The following ADGRG5 variants were observed in gnomAD, a reference collection of about 807,000 sequenced individuals.
ADGRG5 encodes adhesion G protein-coupled receptor G5, also known as G protein-coupled receptor 114.
In ADGRG5, 37 loss-of-function variants were observed where a neutral mutation model predicts 53.2. The ratio of observed to expected loss-of-function variants is 0.70; its 90% CI spans 0.53 to 0.91. The LOEUF (loss-of-function observed/expected upper bound fraction) is 0.91. Among genes scored for constraint, ADGRG5 ranks in the 40% least tolerant of loss-of-function variants. ADGRG5 has a pLI of 0.00. For synonymous variants in ADGRG5, 277 were observed against 290.4 expected (o/e 0.95, Z 0.47); for missense variants, 614 against 675.8 (o/e 0.91, Z 1.01).
chr16:57,554,585 C>A (rs2032835405), intron 1 of ADGRG5, among the ~76,000 whole-genome samples: 1 of 152,078 alleles, frequency 6.6e-6, no homozygotes, highest in Non-Finnish European at 1.5e-5. Context: ...ACCGTGTTAG[C>A]CAGGATGGTC....
At chr16:57,552,028 C>CTT (rs58690103) in intron 1 of ADGRG5, among the ~76,000 whole-genome samples, 2 of 146,222 alleles carry the variant, frequency 1.4e-5, no homozygotes, top group African/African-American at 2.5e-5. Context: ...TGAAATAAAT[C>CTT]TTTTTTTTTT....
chr16:57,555,673 G>T (rs2032867131), intron 1 of ADGRG5, among the ~76,000 whole-genome samples: 1 of 152,112 alleles, frequency 6.6e-6, no homozygotes, highest in South Asian at 2.1e-4. Flanking sequence ...ACATTTTCTT[G>T]ACGAATTAGT....
At chr16:57,548,719 CTTTTTTTT>C (rs56928422) in intron 1 of ADGRG5, among the ~76,000 whole-genome samples, 2 of 108,040 alleles carry the variant, frequency 1.9e-5, no homozygotes, top group African/African-American at 7.1e-5. Flanking sequence ...TTGAGATTGG[CTTTTTTTT>C]TTTTTTTTTT....
Position 57,567,514 on chromosome 16 carries a change from T to TA in ADGRG5, c.745dup (p.Thr249AsnfsTer30), listed in dbSNP as rs1411640078. On this transcript the variant is annotated frameshift_variant, in exon 8 of 12. Transcript: ENST00000349457. LOFTEE classifies it high-confidence loss of function. ...TCCCTGCAGAGTTGCTGGCACCTCTTACGTACATCTCCCTCGTGGGCTGCA... is the reference window on the plus strand; with the variant it reads ...TCCCTGCAGAGTTGCTGGCACCTCTTAACGTACATCTCCCTCGTGGGCTGCA... 6.2e-7 allele frequency: 1 copy of TA among 1,611,280 alleles called. No homozygotes were observed. The highest frequency in any genetic ancestry group is 8.5e-7 in the Non-Finnish European group (1 of 1,179,838).
chr16:57,570,459 A>G lies in ADGRG5; in HGVS notation c.1132A>G (p.Ser378Gly), dbSNP rs2033320073. ...LLVLLSLSVK[S>G]SVYGPCTIPV... is the part of the protein sequence containing the mutation. Reference sequence around the variant, plus strand: ...GGTGCTGCTTTCCCTCTCTGTCAAGAGCTCGGTATACGGACCCTGCACAAT... The same window carrying G: ...GGTGCTGCTTTCCCTCTCTGTCAAGGGCTCGGTATACGGACCCTGCACAAT... The change falls in exon 10 of 12, where the codon AGC becomes GGC. Residue 378 changes from serine to glycine, a missense_variant. By Grantham distance (56) the Ser-to-Gly change is moderately conservative. Coordinates refer to ENST00000349457, the MANE Select transcript of ADGRG5 (RefSeq NM_001304376.3). 1 of 1,613,284 alleles carries G rather than the reference A, an allele frequency of 6.2e-7. No individual in the cohort carries two copies. Among genetic ancestry groups the G allele is most frequent in the African/African-American group, 1.3e-5 (1 of 74,898 alleles).
At chr16:57,553,901 T>A (rs1331712443) in intron 1 of ADGRG5, among the ~76,000 whole-genome samples, 2 of 152,234 alleles carry the variant, frequency 1.3e-5, no homozygotes, top group Non-Finnish European at 2.9e-5. Context: ...ATTACTTATT[T>A]TGTCTTCCAT....
At chr16:57,564,914 T>C (rs1423469954) in intron 5 of ADGRG5, 120 bp from the exon 6 acceptor site, 6 of 672,752 alleles carry the variant, frequency 8.9e-6, no homozygotes, top group Admixed American at 4.9e-5. Context: ...CTGAGAAAGC[T>C]TTCACGCTGC....
At chr16:57,566,906 A>G (rs1422189271) in intron 7 of ADGRG5, among the ~76,000 whole-genome samples, 155 bp downstream of exon 7, 2 of 152,222 alleles carry the variant, frequency 1.3e-5, no homozygotes, top group African/African-American at 4.8e-5. Context: ...GTTTCTGGAA[A>G]GGCTGGGTTA....
chr16:57,554,365 T>C (rs1031498748), intron 1 of ADGRG5, among the ~76,000 whole-genome samples: 2 of 151,828 alleles, frequency 1.3e-5, no homozygotes, highest in African/African-American at 4.8e-5. Flanking sequence ...TATTGATTTA[T>C]AATTTTATCT....
At chr16:57,537,632 ACT>A in the ADGRG5 span, among the ~76,000 whole-genome samples, 1 of 151,822 alleles carries the variant, frequency 6.6e-6, no homozygotes, top group Admixed American at 6.6e-5. Flanking sequence ...CTCAAGGATC[ACT>A]CTGAATCCTT....
chr16:57,571,442 G>C (rs573593338), intron 10 of ADGRG5, among the ~76,000 whole-genome samples: 2 of 152,236 alleles, frequency 1.3e-5, no homozygotes, highest in South Asian at 4.1e-4. Flanking sequence ...AAGCAGGGCC[G>C]GGGGACTGCG....
In ADGRG5 at chr16:57,576,387, C is replaced by T. The variant is rs2033516747; in HGVS notation, c.*849C>T. The T allele has an allele frequency of 6.6e-6, 1 of 152,164 alleles. No homozygotes were observed. The highest frequency in any genetic ancestry group is 2.4e-5 in the African/African-American group (1 of 41,424). 9.4% of individuals were successfully genotyped at this position (152,164 alleles called of 1,614,324 possible). On this transcript the variant is annotated 3_prime_UTR_variant, in exon 12 of 12. Coordinates refer to ENST00000349457, the MANE Select transcript of ADGRG5 (RefSeq NM_001304376.3). ...CTCCTCCAGCTGAATCAGCTGGATC[C>T]CAGTGTCCTGGCTGTTTGGTGATTG...
At chr16:57,536,970 C>T in the ADGRG5 span, among the ~76,000 whole-genome samples, 3 of 152,180 alleles carry the variant, frequency 2.0e-5, no homozygotes, top group African/African-American at 4.8e-5. Context: ...CTGCATTTTT[C>T]CCTGGGCCAG....
intron 1 of ADGRG5, among the ~76,000 whole-genome samples, chr16:57,560,445 G>C (rs974526953): frequency 6.6e-6 from 1 of 152,182 alleles, no homozygotes; most frequent in Admixed American, 6.5e-5. Context: ...GTTAGGTCTT[G>C]GCCATAACAT....
At chr16:57,566,234 G>A (rs1411106836) in intron 6 of ADGRG5, 2 of 183,480 alleles carry the variant, frequency 1.1e-5, no homozygotes, top group Admixed American at 1.2e-4. Context: ...TGTTCCCCAT[G>A]GGGAGGAAGG....
rs1040705898 is a variant in ADGRG5, at chr16:57,565,062, A to G, written c.458A>G (p.Asn153Ser). 8.1e-6 allele frequency: 13 copies of G among 1,613,698 alleles called. No individual in the cohort carries two copies. Among genetic ancestry groups the G allele is most frequent in the Non-Finnish European group, 9.3e-6 (11 of 1,179,756 alleles). ...GAAAACAACTCATCTCTGCTGAATA[A>G]CTACGTCCTGGGGGCCCAGCTGAGT... is the stretch of plus-strand genomic sequence containing the variant. ...KDENNSSLLN[N>S]YVLGAQLSHG... Residue 153 changes from asparagine to serine, a missense_variant, in exon 6 of 12, where the codon AAC becomes AGC. Physicochemically the swap from Asn to Ser is conservative, Grantham distance 46 (BLOSUM62 1). Coordinates refer to ENST00000349457, the MANE Select transcript of ADGRG5 (RefSeq NM_001304376.3).
chr16:57,562,377 C>G lies in ADGRG5; in HGVS notation c.65-7C>G, dbSNP rs114608296. On this transcript the variant is annotated splice_region_variant and splice_polypyrimidine_tract_variant and intron_variant, in intron 2 of 11. Transcript: ENST00000349457. ...ACACAAACTGAGGGGGAGGTGTGTCCCCACAGAGACATGGGAAGAACTCCT... is the reference window on the plus strand; with the variant it reads ...ACACAAACTGAGGGGGAGGTGTGTCGCCACAGAGACATGGGAAGAACTCCT... 4.7e-4 allele frequency: 753 copies of G among 1,602,786 alleles called. 5 individuals are homozygous for G. In the African/African-American group the frequency reaches 8.7e-3, roughly 18 times the overall value.
intron 10 of ADGRG5, among the ~76,000 whole-genome samples, chr16:57,573,979 C>T (rs2404452): frequency 0.041 from 6,307 of 152,252 alleles, 401 homozygotes; most frequent in East Asian, 0.33. Context: ...ACCTCGGCCT[C>T]CCAAAGTGCT....
At position 57,568,256 on chromosome 16, in the gene ADGRG5, C is replaced by G; in HGVS notation, c.1090+132C>G. 3.7e-6 allele frequency: 3 copies of G among 816,662 alleles called. No individual in the cohort carries two copies. In the East Asian group the frequency reaches 7.5e-5, roughly 20 times the overall value. The allele number at this position is 816,662 out of a possible 1,614,324, so 50.6% of individuals were successfully genotyped here. A position where few individuals can be genotyped will look rare whatever the true frequency, so the allele number is the denominator to read the frequency against. On this transcript the variant is annotated intron_variant, in intron 9 of 11. Transcript: ENST00000349457. ...CATGACCACCAGCTGTGAACTCTGT[C>G]TACACCCACCTCTACTTTCTATGTT...
Sources: gnomAD v4.1 joint callset for allele counts (sites outside exome capture counted in the v4.1 genomes callset) on GRCh38, gnomAD v4.1.1 for gene constraint, MANE v1.5 for transcripts, NCBI Gene and HGNC (gene_info 2026-07-23, HGNC 2026-07-21) for gene names.